Variants in PWWP2A observed in about 807,000 individuals in gnomAD.
PWWP2A encodes PWWP domain-containing protein 2A.
In PWWP2A, 18 loss-of-function variants were observed where a neutral mutation model predicts 48.5. That is an observed-to-expected ratio of 0.37 (90% CI 0.26 to 0.55). The LOEUF (loss-of-function observed/expected upper bound fraction) is 0.55. PWWP2A is among the 20% of genes least tolerant of loss of function. The pLI, the probability that PWWP2A is intolerant of heterozygous loss-of-function variation, is 0.81. For missense variants in PWWP2A, 867 were observed against 976.4 expected (o/e 0.89, Z 1.49); for synonymous variants, 396 against 387.7 (o/e 1.02, Z -0.25).
downstream of PWWP2A, among the ~76,000 whole-genome samples, chr5:160,059,276 C>T (rs950227749): frequency 6.6e-6 from 1 of 152,230 alleles, no homozygotes; most frequent in Non-Finnish European, 1.5e-5. Context: ...CTTTTTGCAG[C>T]TTCTATGTCA....
At chr5:160,050,756 G>C in the PWWP2A span, among the ~76,000 whole-genome samples, 1 of 151,268 alleles carries the variant, frequency 6.6e-6, no homozygotes, top group African/African-American at 2.4e-5. Flanking sequence ...CTCCTGAGTA[G>C]CTGCGACTAC....
At chr5:160,117,973 T>G in intron 1 of PWWP2A, 259 of 646,914 alleles carry the variant, frequency 4.0e-4, no homozygotes, top group Middle Eastern at 1.6e-3. Flanking sequence ...TAGAACAGGT[T>G]CTCTTCCCCT....
At chr5:160,076,693 T>C (rs1007343848) in exon 4 of PWWP2A, 1 of 152,204 alleles carries the variant, frequency 6.6e-6, no homozygotes, top group Admixed American at 6.5e-5. Flanking sequence ...ATTAAATGTT[T>C]TAAAACTCAC....
At chr5:160,083,667 G>T (rs1177981463) in intron 2 of PWWP2A, among the ~76,000 whole-genome samples, 1 of 152,186 alleles carries the variant, frequency 6.6e-6, no homozygotes, top group Non-Finnish European at 1.5e-5. Context: ...TATGTGTCAT[G>T]GAAAGGGTTC....
intron 1 of PWWP2A, among the ~76,000 whole-genome samples, chr5:160,117,516 G>C (rs2113697002): frequency 6.6e-6 from 1 of 152,270 alleles, no homozygotes; most frequent in East Asian, 1.9e-4. Flanking sequence ...AATTAGACCA[G>C]CATGGTGGCG....
downstream of PWWP2A, among the ~76,000 whole-genome samples, chr5:160,089,286 A>G (rs1267240522): frequency 6.6e-6 from 1 of 152,058 alleles, no homozygotes; most frequent in African/African-American, 2.4e-5. Flanking sequence ...CCAACTCCTG[A>G]CCTCAAGCCA....
intron 5 of PWWP2A, among the ~76,000 whole-genome samples, chr5:160,063,145 C>T (rs577075231): frequency 1.3e-5 from 2 of 152,334 alleles, no homozygotes; most frequent in East Asian, 1.9e-4. Flanking sequence ...TTTCTCTGGA[C>T]ATAGTGAGCT....
chr5:160,060,116 G>A (rs2113417512), downstream of PWWP2A, among the ~76,000 whole-genome samples: 1 of 152,324 alleles, frequency 6.6e-6, no homozygotes, highest in African/African-American at 2.4e-5. Flanking sequence ...TGCCTCACAG[G>A]AGGAAATGTG....
chr5:160,084,783 A>T (rs1754497539), intron 2 of PWWP2A, among the ~76,000 whole-genome samples: 1 of 152,082 alleles, frequency 6.6e-6, no homozygotes, highest in Non-Finnish European at 1.5e-5. Flanking sequence ...CAAGTTATAT[A>T]TATATACTCC....
intron 1 of PWWP2A, among the ~76,000 whole-genome samples, chr5:160,114,122 TA>T (rs1193952391): frequency 6.6e-6 from 1 of 152,226 alleles, no homozygotes; most frequent in Non-Finnish European, 1.5e-5. Flanking sequence ...CAAATTACTT[TA>T]AAGCAACTGA....
intron 1 of PWWP2A, among the ~76,000 whole-genome samples, chr5:160,095,686 CTTTTTTT>C (rs11358268): frequency 0.014 from 1,397 of 100,318 alleles, 21 homozygotes; most frequent in African/African-American, 0.051. Flanking sequence ...CCGAAATGTT[CTTTTTTT>C]TTTTTTTTTT....
chr5:160,083,690 G>A (rs181490071), intron 2 of PWWP2A, among the ~76,000 whole-genome samples: 3 of 152,296 alleles, frequency 2.0e-5, no homozygotes, highest in Admixed American at 2.0e-4. Context: ...GATGTGTGGG[G>A]CATCTGAGAT....
chr5:160,076,836 G>GT (rs1404830212), exon 4 of PWWP2A: 4 of 152,012 alleles, frequency 2.6e-5, no homozygotes, highest in African/African-American at 7.2e-5. Context: ...GAATTTTAAG[G>GT]TTTTTTATTT....
intron 1 of PWWP2A, among the ~76,000 whole-genome samples, chr5:160,112,236 T>C (rs1757666574): frequency 6.6e-6 from 1 of 152,006 alleles, no homozygotes; most frequent in Non-Finnish European, 1.5e-5. Context: ...GTCCAGTTCT[T>C]TTTAGAAAGA....
At chr5:160,118,318 G>C (rs538925936) in intron 1 of PWWP2A, among the ~76,000 whole-genome samples, 4 of 152,164 alleles carry the variant, frequency 2.6e-5, no homozygotes, top group Non-Finnish European at 5.9e-5. Flanking sequence ...AGGAGTGACA[G>C]GTAACCTTTT....
At chr5:160,105,871 A>G (rs959511813) in intron 1 of PWWP2A, 1 of 152,792 alleles carries the variant, frequency 6.5e-6, no homozygotes, top group African/African-American at 2.4e-5. Context: ...AGCACTTACT[A>G]AACACTGACC....
chr5:160,088,952 T>C (rs538911654), downstream of PWWP2A, among the ~76,000 whole-genome samples: 6 of 152,382 alleles, frequency 3.9e-5, no homozygotes, highest in African/African-American at 1.4e-4. Flanking sequence ...ATTTAATATG[T>C]TGCAATTTAG....
At chr5:160,094,473 G>C (rs1371541058) in intron 1 of PWWP2A, among the ~76,000 whole-genome samples, 1 of 152,180 alleles carries the variant, frequency 6.6e-6, no homozygotes, top group African/African-American at 2.4e-5. Flanking sequence ...GGTTATAACA[G>C]CTTTCAAAAC....
the PWWP2A span, among the ~76,000 whole-genome samples, chr5:160,050,481 A>G: frequency 6.6e-6 from 1 of 152,204 alleles, no homozygotes; most frequent in Admixed American, 6.5e-5. Flanking sequence ...TTTAAAAAAA[A>G]GTTAAAAATA....
Sources: allele counts gnomAD v4.1 joint callset (sites outside exome capture counted in the v4.1 genomes callset), GRCh38; gene constraint gnomAD v4.1.1; transcripts MANE v1.5; gene names NCBI Gene and HGNC (gene_info 2026-07-23, HGNC 2026-07-21).